SLIT3: variants seen among roughly 807,000 people sequenced by gnomAD.
The protein encoded by SLIT3 is slit homolog 3 protein.
Under a neutral mutation model 184.0 loss-of-function variants are expected in SLIT3, and 68 were observed. That is an observed-to-expected ratio of 0.37 (90% confidence interval 0.30 to 0.45). The LOEUF is 0.45. Ranked by LOEUF, SLIT3 falls within the 20% of genes least tolerant of loss-of-function variation. The pLI is 1.00. For synonymous variants in SLIT3, 831 were observed against 828.6 expected (o/e 1.00, Z -0.05); for missense variants, 1,707 against 2,026.0 (o/e 0.84, Z 3.02).
intron 2 of SLIT3, among the ~76,000 whole-genome samples, chr5:169,247,587 A>G (rs1459692850): frequency 6.6e-6 from 1 of 152,178 alleles, no homozygotes; most frequent in African/African-American, 2.4e-5. Flanking sequence ...AAGAGATGCA[A>G]GGATATCTAT....
intron 4 of SLIT3, among the ~76,000 whole-genome samples, chr5:169,004,686 C>T (rs747660353): frequency 6.6e-6 from 1 of 152,016 alleles, no homozygotes; most frequent in African/African-American, 2.4e-5. Flanking sequence ...ACCACCAAGA[C>T]GATGGTATTT....
chr5:169,127,128 C>T (rs1288784376), intron 4 of SLIT3, among the ~76,000 whole-genome samples: 1 of 152,176 alleles, frequency 6.6e-6, no homozygotes, highest in African/African-American at 2.4e-5. Context: ...GTACCTCTCA[C>T]ACTCAGTCAT....
chr5:168,721,787 G>A (rs960525277), intron 23 of SLIT3, among the ~76,000 whole-genome samples: 20 of 152,124 alleles, frequency 1.3e-4, no homozygotes, highest in African/African-American at 1.2e-4. Context: ...TGAGCTGGAC[G>A]GGGGCCCTGG....
At chr5:169,267,268 T>C (rs1766430650) in intron 1 of SLIT3, among the ~76,000 whole-genome samples, 1 of 152,162 alleles carries the variant, frequency 6.6e-6, no homozygotes, top group African/African-American at 2.4e-5. Flanking sequence ...AGCAAGTAAA[T>C]ATAGAGTCCT....
At chr5:169,027,301 G>A (rs1756865777) in intron 4 of SLIT3, among the ~76,000 whole-genome samples, 1 of 152,158 alleles carries the variant, frequency 6.6e-6, no homozygotes, top group African/African-American at 2.4e-5. Flanking sequence ...TGTGGGAACA[G>A]CTTTAGATAG....
intron 4 of SLIT3, among the ~76,000 whole-genome samples, chr5:169,161,944 A>G (rs1762494600): frequency 6.6e-6 from 1 of 152,224 alleles, no homozygotes; most frequent in Non-Finnish European, 1.5e-5. Flanking sequence ...TAGCCTTGTT[A>G]TGAGAATTAA....
intron 4 of SLIT3, among the ~76,000 whole-genome samples, chr5:169,186,379 C>T (rs955174779): frequency 3.3e-5 from 5 of 152,140 alleles, no homozygotes; most frequent in African/African-American, 9.7e-5. Flanking sequence ...ACTAATCCAG[C>T]CAGCATCTTG....
At chr5:168,996,299 A>T (rs1755506363) in intron 4 of SLIT3, among the ~76,000 whole-genome samples, 1 of 152,172 alleles carries the variant, frequency 6.6e-6, no homozygotes, top group South Asian at 2.1e-4. Flanking sequence ...ACCTAGGCTG[A>T]AGTCAACAGA....
At chr5:169,194,331 C>G (rs1405325181) in intron 3 of SLIT3, among the ~76,000 whole-genome samples, 1 of 147,388 alleles carries the variant, frequency 6.8e-6, no homozygotes, top group African/African-American at 2.5e-5. Flanking sequence ...ATTGTGGGAG[C>G]AGATAGTAGT....
At chr5:168,697,209 G>C (rs1443112685) in intron 27 of SLIT3, among the ~76,000 whole-genome samples, 1 of 152,248 alleles carries the variant, frequency 6.6e-6, no homozygotes, top group Non-Finnish European at 1.5e-5. Flanking sequence ...GAAGGCTAGA[G>C]TGGGAGGATC....
chr5:169,019,500 C>T (rs1199025404), intron 4 of SLIT3, among the ~76,000 whole-genome samples: 2 of 152,218 alleles, frequency 1.3e-5, no homozygotes, highest in African/African-American at 4.8e-5. Flanking sequence ...GTTAGGCTTA[C>T]CTAGGTCAGC....
intron 4 of SLIT3, among the ~76,000 whole-genome samples, chr5:169,042,161 C>G (rs1316789355): frequency 6.6e-6 from 1 of 152,178 alleles, no homozygotes; most frequent in African/African-American, 2.4e-5. Flanking sequence ...TTCTCAGACT[C>G]TCCAGAATCA....
intron 4 of SLIT3, chr5:169,022,293 A>C (rs1756630575): frequency 6.6e-6 from 1 of 152,226 alleles, no homozygotes; most frequent in African/African-American, 2.4e-5. Context: ...TGAGTGAGAA[A>C]GGGTTATTTC....
intron 4 of SLIT3, among the ~76,000 whole-genome samples, chr5:169,095,839 C>T (rs1759757219): frequency 6.6e-6 from 1 of 152,210 alleles, no homozygotes; most frequent in Admixed American, 6.5e-5. Context: ...TACACCCATT[C>T]TTCAACCTTC....
chr5:169,281,411 G>A (rs1766989852), intron 1 of SLIT3, among the ~76,000 whole-genome samples: 1 of 152,172 alleles, frequency 6.6e-6, no homozygotes, highest in African/African-American at 2.4e-5. Context: ...GGGAGTCAGA[G>A]GTTGCAGTAG....
intron 4 of SLIT3, among the ~76,000 whole-genome samples, chr5:169,109,087 T>C (rs530936697): frequency 6.6e-6 from 1 of 152,200 alleles, no homozygotes; most frequent in Non-Finnish European, 1.5e-5. Flanking sequence ...GTCACTCTTT[T>C]GATGAGGCTA....
At position 168,710,752 on chromosome 5, in the gene SLIT3, G is replaced by A. The variant is rs545887830; in HGVS notation, c.2719+143C>T. On this transcript the variant is annotated intron_variant, in intron 25 of 35. Transcript: ENST00000519560. ...AGGGTTCACATCAGCGTCAGCATCT[G>A]AGCCTCTTTGTGGGACCCATGGAAG... 1.2e-4 allele frequency: 74 copies of A among 636,550 alleles called. 1 individual carries two copies. The African/African-American group carries it at 1.3e-3, about 11-fold the overall frequency. The allele number at this position is 636,550 out of a possible 1,614,324, so 39.4% of individuals were successfully genotyped here. A position where few individuals can be genotyped will look rare whatever the true frequency, so the allele number is the denominator to read the frequency against.
chr5:169,085,350 T>G (rs369604126), intron 4 of SLIT3, among the ~76,000 whole-genome samples: 1 of 152,216 alleles, frequency 6.6e-6, no homozygotes, highest in African/African-American at 2.4e-5. Context: ...TTTCTGCTTT[T>G]ATGACATCTT....
chr5:168,755,393 C>CTTTCTTTCTTTCTTTCTTTCT (rs1561913221), intron 16 of SLIT3, among the ~76,000 whole-genome samples: 6 of 9,534 alleles, frequency 6.3e-4, no homozygotes, highest in African/African-American at 1.2e-3. Flanking sequence ...GCCGCCATTT[C>CTTTCTTTCTTTCTTTCTTTCT]TTTCTTTCTT....
Sources: allele counts gnomAD v4.1 joint callset (sites outside exome capture counted in the v4.1 genomes callset), GRCh38; gene constraint gnomAD v4.1.1; transcripts MANE v1.5; gene names NCBI Gene and HGNC (gene_info 2026-07-23, HGNC 2026-07-21).